Variants in CTNNA3 observed in about 807,000 individuals in gnomAD.
CTNNA3 encodes the protein catenin alpha 3.
CTNNA3 carries 76 observed loss-of-function variants against 95.7 expected under a neutral mutation model. The observed-to-expected ratio is 0.79, with a 90% confidence interval of 0.66 to 0.96. The LOEUF (loss-of-function observed/expected upper bound fraction) is 0.96. Among genes scored for constraint, CTNNA3 ranks in the 40% least tolerant of loss-of-function variants. The probability of loss-of-function intolerance (pLI) is 0.00; values close to 1 mark genes in which losing one functional copy is unlikely to be tolerated. For synonymous variants in CTNNA3, 431 were observed against 374.4 expected (o/e 1.15, Z -1.74); for missense variants, 1,191 against 1,089.8 (o/e 1.09, Z -1.31).
At chr10:66,871,626 G>A (rs188503626) in intron 7 of CTNNA3, among the ~76,000 whole-genome samples, 2 of 150,090 alleles carry the variant, frequency 1.3e-5, no homozygotes, top group Non-Finnish European at 3.0e-5. Context: ...AGTACATATG[G>A]ACAAAGAATT....
chr10:67,256,275 C>T (rs1039946937), intron 5 of CTNNA3, among the ~76,000 whole-genome samples: 1 of 152,152 alleles, frequency 6.6e-6, no homozygotes, highest in Non-Finnish European at 1.5e-5. Flanking sequence ...AACTAGGAAG[C>T]TTGCTCTTGA....
At chr10:66,688,825 T>C (rs928545413) in intron 9 of CTNNA3, among the ~76,000 whole-genome samples, 2 of 145,978 alleles carry the variant, frequency 1.4e-5, no homozygotes, top group Non-Finnish European at 3.0e-5. Flanking sequence ...CAAAAAAAAA[T>C]TAGCCGGGCG....
intron 10 of CTNNA3, among the ~76,000 whole-genome samples, chr10:66,539,147 TTAG>T (rs374130059): frequency 2.3e-3 from 353 of 152,278 alleles, no homozygotes; most frequent in African/African-American, 8.3e-3. Flanking sequence ...TCAAGGTTTA[TTAG>T]CCAGCTATAG....
chr10:67,361,001 C>T (rs1039303226), intron 5 of CTNNA3, among the ~76,000 whole-genome samples: 5 of 151,014 alleles, frequency 3.3e-5, no homozygotes, highest in African/African-American at 1.2e-4. Context: ...AGACTTTAAA[C>T]CATCTACAGT....
intron 7 of CTNNA3, among the ~76,000 whole-genome samples, chr10:66,818,865 G>A (rs528068326): frequency 2.5e-4 from 38 of 152,112 alleles, no homozygotes; most frequent in Non-Finnish European, 3.7e-4. Context: ...CAAGGTAGGC[G>A]GATCACTTGA....
chr10:67,436,598 C>A (rs538182279), intron 5 of CTNNA3, among the ~76,000 whole-genome samples: 3 of 151,926 alleles, frequency 2.0e-5, no homozygotes, highest in African/African-American at 7.2e-5. Context: ...ATATCCAGAA[C>A]CTACAATGAA....
intron 5 of CTNNA3, among the ~76,000 whole-genome samples, chr10:67,514,288 A>T (rs1251476508): frequency 6.6e-6 from 1 of 152,196 alleles, no homozygotes; most frequent in Non-Finnish European, 1.5e-5. Context: ...TAACAGAGCG[A>T]GATTGTCTCA....
chr10:66,036,250 G>A (rs1993849), intron 15 of CTNNA3, among the ~76,000 whole-genome samples: 117,617 of 152,142 alleles, frequency 0.77, 45,925 homozygotes, highest in South Asian at 0.91. Context: ...AACAGCTCAC[G>A]GCAGAATCAA....
At chr10:65,995,622 T>G (rs1564566275) in intron 15 of CTNNA3, among the ~76,000 whole-genome samples, 1 of 152,200 alleles carries the variant, frequency 6.6e-6, no homozygotes, top group Non-Finnish European at 1.5e-5. Flanking sequence ...TTCTTGGACC[T>G]CCAGGTGGCT....
At chr10:66,166,041 C>T (rs2085109833) in intron 13 of CTNNA3, among the ~76,000 whole-genome samples, 1 of 151,952 alleles carries the variant, frequency 6.6e-6, no homozygotes, top group Non-Finnish European at 1.5e-5. Context: ...GCTGGGATTA[C>T]AGGTGTGAGC....
At chr10:67,392,838 T>C (rs1844558319) in intron 5 of CTNNA3, among the ~76,000 whole-genome samples, 1 of 151,868 alleles carries the variant, frequency 6.6e-6, no homozygotes, top group Non-Finnish European at 1.5e-5. Context: ...TTCTCACTCA[T>C]AGGTGGGAAT....
chr10:66,724,495 C>G (rs976098757), intron 9 of CTNNA3, among the ~76,000 whole-genome samples: 11 of 152,182 alleles, frequency 7.2e-5, no homozygotes, highest in African/African-American at 2.7e-4. Context: ...TGGTTTTTGG[C>G]AGAAGATTTA....
intron 1 of CTNNA3, among the ~76,000 whole-genome samples, chr10:67,727,038 A>G (rs1304325274): frequency 3.5e-5 from 4 of 113,382 alleles, no homozygotes; most frequent in South Asian, 5.0e-4. Flanking sequence ...TATATAATAT[A>G]TGATACATAT....
intron 9 of CTNNA3, among the ~76,000 whole-genome samples, chr10:66,652,396 G>T (rs942022828): frequency 6.6e-6 from 1 of 151,978 alleles, no homozygotes; most frequent in Admixed American, 6.6e-5. Context: ...TAACCTAGAA[G>T]AAATGGGTAA....
rs576240748 is a variant in CTNNA3 at position 66,106,386 on chromosome 10, C to T, written c.1885-3137G>A. Among the ~76,000 whole-genome samples, 42 of 147,014 alleles carry T rather than the reference C, an allele frequency of 2.9e-4. No individual in the cohort carries two copies. In the South Asian group the frequency reaches 7.8e-3, roughly 27 times the overall value. ...GTGTGTGTGTGTGTGTGTTTCTAAT[C>T]AATTTCATTCTGTGAAAGATTAACT... On this transcript the variant is annotated intron_variant, in intron 13 of 17. Coordinates refer to ENST00000433211, the MANE Select transcript of CTNNA3 (RefSeq NM_013266.4).
chr10:66,721,354 T>A (rs113301926), intron 9 of CTNNA3, among the ~76,000 whole-genome samples: 1,907 of 152,308 alleles, frequency 0.013, 24 homozygotes, highest in East Asian at 0.02. Context: ...AACAACTGAA[T>A]GTAACATTTC....
intron 11 of CTNNA3, among the ~76,000 whole-genome samples, chr10:66,406,515 T>C (rs1423289685): frequency 6.6e-6 from 1 of 152,210 alleles, no homozygotes; most frequent in East Asian, 1.9e-4. Context: ...AAAAACTATA[T>C]GAAGAAAAGT....
At chr10:67,180,646 C>T (rs1265709738) in intron 6 of CTNNA3, 126 bp from the exon 7 acceptor site, 1 of 725,488 alleles carries the variant, frequency 1.4e-6, no homozygotes, top group East Asian at 2.7e-5. Context: ...GTTTTACTGC[C>T]TCGGCTGGTT....
chr10:66,559,365 C>CA (rs931080820), intron 10 of CTNNA3, among the ~76,000 whole-genome samples: 4 of 149,348 alleles, frequency 2.7e-5, no homozygotes, highest in African/African-American at 9.8e-5. Context: ...TAACCTACAC[C>CA]ATTTTTTTCC....
Sources: gnomAD v4.1 joint callset for allele counts (sites outside exome capture counted in the v4.1 genomes callset) on GRCh38, gnomAD v4.1.1 for gene constraint, MANE v1.5 for transcripts, NCBI Gene and HGNC (gene_info 2026-07-23, HGNC 2026-07-21) for gene names.